RALYL: variants seen among roughly 807,000 people sequenced by gnomAD.
RALYL encodes the protein RNA-binding Raly-like protein.
A neutral mutation model predicts 35.1 loss-of-function variants in RALYL; 29 were observed. The ratio of observed to expected loss-of-function variants is 0.83; its 90% CI spans 0.61 to 1.13. The LOEUF is 1.13. Among genes scored for constraint, RALYL ranks in the 50% most tolerant of loss-of-function variants. The pLI is 0.00. For synonymous variants in RALYL, 120 were observed against 127.6 expected, an observed-to-expected ratio of 0.94 and a Z score of 0.40; for missense variants, 359 against 360.4, an observed-to-expected ratio of 1.00 and a Z score of 0.03.
At chr8:84,270,311 T>A (rs777013647) in intron 1 of RALYL, among the ~76,000 whole-genome samples, 1 of 152,162 alleles carries the variant, frequency 6.6e-6, no homozygotes, top group Non-Finnish European at 1.5e-5. Flanking sequence ...TGGAACGCAT[T>A]ATAAGATACA....
At chr8:84,582,259 A>T (rs890670782) in intron 2 of RALYL, among the ~76,000 whole-genome samples, 2 of 152,176 alleles carry the variant, frequency 1.3e-5, no homozygotes, top group Non-Finnish European at 2.9e-5. Flanking sequence ...TGACTATCAC[A>T]GTTTAAAATT....
rs138622337 is a variant in RALYL, at chr8:84,503,215, A to G, written c.-23-26084A>G. On this transcript the variant is annotated intron_variant, in intron 1 of 8. Transcript: ENST00000521268. ...CAAGCTAGAGTGCAGTGGTAGGATC[A>G]TAGCTCGCTGCAGCCTCAAACTCCT... Among the ~76,000 whole-genome samples, 7 of 152,118 alleles carry G rather than the reference A, an allele frequency of 4.6e-5. 1 individual carries two copies. The highest frequency in any genetic ancestry group is 1.9e-4 in the East Asian group (1 of 5,150).
At chr8:84,206,052 A>G (rs912429919) in intron 1 of RALYL, among the ~76,000 whole-genome samples, 8 of 152,172 alleles carry the variant, frequency 5.3e-5, no homozygotes, top group African/African-American at 9.7e-5. Flanking sequence ...AGGCCCACCC[A>G]TAAGACCTCA....
chr8:84,272,666 A>T (rs953275898), intron 1 of RALYL, among the ~76,000 whole-genome samples: 1 of 152,190 alleles, frequency 6.6e-6, no homozygotes, highest in African/African-American at 2.4e-5. Flanking sequence ...AATTTCATTT[A>T]TCAGTCATAA....
chr8:84,709,634 C>T (rs1229176951), intron 2 of RALYL, among the ~76,000 whole-genome samples: 1 of 151,462 alleles, frequency 6.6e-6, no homozygotes, highest in Non-Finnish European at 1.5e-5. Context: ...ACTTCATACT[C>T]CCGAAGGTTG....
intron 1 of RALYL, among the ~76,000 whole-genome samples, chr8:84,454,824 T>G (rs2049950900): frequency 6.6e-6 from 1 of 152,056 alleles, no homozygotes; most frequent in South Asian, 2.1e-4. Context: ...CCCAACACAG[T>G]GCAAGGCATG....
intron 1 of RALYL, among the ~76,000 whole-genome samples, chr8:84,373,766 G>C (rs1856396032): frequency 6.6e-6 from 1 of 151,948 alleles, no homozygotes; most frequent in Non-Finnish European, 1.5e-5. Flanking sequence ...AATGTCATTG[G>C]TAGTTTGATA....
At chr8:84,765,838 GA>G (rs759401675) in intron 2 of RALYL, among the ~76,000 whole-genome samples, 5,847 of 138,112 alleles carry the variant, frequency 0.042, 351 homozygotes, top group African/African-American at 0.14. Context: ...ACCTGATGAG[GA>G]AAAAAAAAAA....
At chr8:84,834,733 G>A (rs555048856) in intron 4 of RALYL, among the ~76,000 whole-genome samples, 8 of 152,210 alleles carry the variant, frequency 5.3e-5, no homozygotes, top group South Asian at 2.1e-4. Flanking sequence ...ACCCAATATC[G>A]CAATTGTAAT....
chr8:84,917,791 TA>T (rs113930122), intron 8 of RALYL, among the ~76,000 whole-genome samples: 30 of 152,112 alleles, frequency 2.0e-4, no homozygotes, highest in African/African-American at 6.3e-4. Context: ...TATTTGAGCC[TA>T]AAAATGTAAC....
chr8:84,629,822 G>T (rs980310880), intron 2 of RALYL, among the ~76,000 whole-genome samples: 2 of 151,992 alleles, frequency 1.3e-5, no homozygotes, highest in African/African-American at 4.8e-5. Flanking sequence ...TTCCTACAAT[G>T]AGTATGCATT....
At chr8:84,436,664 G>A (rs1250480622) in intron 1 of RALYL, among the ~76,000 whole-genome samples, 1 of 147,918 alleles carries the variant, frequency 6.8e-6, no homozygotes, top group Admixed American at 6.9e-5. Context: ...AGCTTTATTG[G>A]GGTATAATTG....
At chr8:84,211,022 T>TA (rs1292657117) in intron 1 of RALYL, among the ~76,000 whole-genome samples, 2 of 152,072 alleles carry the variant, frequency 1.3e-5, no homozygotes, top group Non-Finnish European at 2.9e-5. Context: ...TGATCACCAA[T>TA]AAAAAACATC....
At chr8:84,722,723 A>G (rs1003989353) in intron 2 of RALYL, among the ~76,000 whole-genome samples, 12 of 147,492 alleles carry the variant, frequency 8.1e-5, no homozygotes, top group Non-Finnish European at 1.5e-4. Context: ...ATGTGTGTAT[A>G]TATAATATTA....
At chr8:84,757,520 A>G (rs1811715807) in intron 2 of RALYL, among the ~76,000 whole-genome samples, 1 of 152,158 alleles carries the variant, frequency 6.6e-6, no homozygotes. Context: ...AATTTGGGGA[A>G]TTCTATTTTA....
chr8:84,510,999 T>C (rs1353121078), intron 1 of RALYL, among the ~76,000 whole-genome samples: 3 of 152,218 alleles, frequency 2.0e-5, no homozygotes, highest in Non-Finnish European at 4.4e-5. Flanking sequence ...GTCATCCTGC[T>C]GTACAATAGA....
At chr8:84,623,613 G>A (rs1223340783) in intron 2 of RALYL, among the ~76,000 whole-genome samples, 2 of 152,054 alleles carry the variant, frequency 1.3e-5, no homozygotes, top group Non-Finnish European at 2.9e-5. Context: ...TAAGGGGAGA[G>A]TATGAGATGA....
intron 2 of RALYL, among the ~76,000 whole-genome samples, chr8:84,579,272 C>A (rs753732764): frequency 1.3e-5 from 2 of 152,182 alleles, no homozygotes; most frequent in Non-Finnish European, 2.9e-5. Flanking sequence ...AACTTTGCTC[C>A]GCCCACTCCC....
intron 1 of RALYL, among the ~76,000 whole-genome samples, chr8:84,201,095 C>T (rs7843237): frequency 0.34 from 51,349 of 151,938 alleles, 8,970 homozygotes; most frequent in Middle Eastern, 0.44. Flanking sequence ...GTATCTTATT[C>T]TCTATTAAAT....
Sources: gnomAD v4.1 joint callset for allele counts (sites outside exome capture counted in the v4.1 genomes callset) on GRCh38, gnomAD v4.1.1 for gene constraint, MANE v1.5 for transcripts, NCBI Gene and HGNC (gene_info 2026-07-23, HGNC 2026-07-21) for gene names.